NSMCE2: variants seen among roughly 807,000 people sequenced by gnomAD.
NSMCE2 encodes the protein NSE2 SUMO ligase component of SMC5/6 complex, also known as E3 SUMO-protein ligase NSE2.
NSMCE2 carries 24 observed loss-of-function variants against 23.8 expected under a neutral mutation model. The ratio of observed to expected loss-of-function variants is 1.01; its 90% CI spans 0.73 to 1.42. The LOEUF is 1.42. Ranked by LOEUF, NSMCE2 falls within the 40% of genes most tolerant of loss-of-function variation. NSMCE2 has a pLI of 0.00. For synonymous variants in NSMCE2, 92 were observed against 94.1 expected, an observed-to-expected ratio of 0.98 and a Z score of 0.13; for missense variants, 284 against 296.5, an observed-to-expected ratio of 0.96 and a Z score of 0.31.
chr8:125,256,128 CA>C (rs1383954277), intron 5 of NSMCE2, among the ~76,000 whole-genome samples: 1 of 151,788 alleles, frequency 6.6e-6, no homozygotes, highest in Admixed American at 6.6e-5. Flanking sequence ...ACTAAAAATA[CA>C]AAAATTAGCT....
intron 5 of NSMCE2, among the ~76,000 whole-genome samples, chr8:125,210,525 T>C (rs1196246141): frequency 6.6e-6 from 1 of 152,166 alleles, no homozygotes; most frequent in Non-Finnish European, 1.5e-5. Context: ...ATACATACTA[T>C]AGAAGAACTG....
At chr8:125,285,088 A>G (rs1827842693) in intron 5 of NSMCE2, among the ~76,000 whole-genome samples, 1 of 152,364 alleles carries the variant, frequency 6.6e-6, no homozygotes, top group African/African-American at 2.4e-5. Flanking sequence ...AGTACAAAGT[A>G]TCAGTTGAAC....
intron 5 of NSMCE2, among the ~76,000 whole-genome samples, chr8:125,309,875 A>T (rs563289224): frequency 3.9e-5 from 6 of 152,232 alleles, no homozygotes; most frequent in Non-Finnish European, 8.8e-5. Flanking sequence ...GCATGATCTA[A>T]TAAGATTGGA....
At chr8:125,131,286 G>A (rs1386804077) in intron 3 of NSMCE2, among the ~76,000 whole-genome samples, 1 of 152,140 alleles carries the variant, frequency 6.6e-6, no homozygotes, top group Non-Finnish European at 1.5e-5. Flanking sequence ...TATACGCACT[G>A]AAGACATACT....
chr8:125,092,307 G>T (rs948675511), intron 1 of NSMCE2, among the ~76,000 whole-genome samples: 3 of 152,190 alleles, frequency 2.0e-5, no homozygotes, highest in Non-Finnish European at 4.4e-5. Context: ...GCGATAAGGA[G>T]AATAAAGTGC....
intron 4 of NSMCE2, among the ~76,000 whole-genome samples, chr8:125,162,634 T>C (rs1030379631): frequency 6.6e-6 from 1 of 152,124 alleles, no homozygotes; most frequent in Non-Finnish European, 1.5e-5. Context: ...GAGATAACAT[T>C]ATGTGAAAGT....
chr8:125,181,361 A>G (rs1231591458), intron 4 of NSMCE2, among the ~76,000 whole-genome samples: 2 of 152,158 alleles, frequency 1.3e-5, no homozygotes, highest in African/African-American at 2.4e-5. Flanking sequence ...ATGAAGATGT[A>G]ATAAAGAACA....
chr8:125,097,456 A>G (rs1817994005), intron 1 of NSMCE2, among the ~76,000 whole-genome samples: 1 of 152,094 alleles, frequency 6.6e-6, no homozygotes, highest in African/African-American at 2.4e-5. Flanking sequence ...AACTCATCTC[A>G]TCGTTTACTA....
At chr8:125,092,918 T>C (rs1817738779) in intron 1 of NSMCE2, among the ~76,000 whole-genome samples, 2 of 152,218 alleles carry the variant, frequency 1.3e-5, no homozygotes, top group South Asian at 4.1e-4. Flanking sequence ...AGGGCTGTCC[T>C]GTGTTTTGTA....
chr8:125,339,263 G>A (rs1438018449), intron 5 of NSMCE2, among the ~76,000 whole-genome samples: 1 of 151,988 alleles, frequency 6.6e-6, no homozygotes. Flanking sequence ...TGCTTGGGAC[G>A]GTCCTTTTCC....
intron 4 of NSMCE2, among the ~76,000 whole-genome samples, chr8:125,168,089 A>G (rs17401283): frequency 1.3e-5 from 2 of 152,178 alleles, no homozygotes; most frequent in East Asian, 1.9e-4. Flanking sequence ...TGAAATCACT[A>G]ATCGATGGGT....
At chr8:125,293,690 C>T (rs892840802) in intron 5 of NSMCE2, among the ~76,000 whole-genome samples, 6 of 152,204 alleles carry the variant, frequency 3.9e-5, no homozygotes, top group Non-Finnish European at 8.8e-5. Flanking sequence ...GAACCTTTAG[C>T]TGATGGGTTA....
intron 5 of NSMCE2, among the ~76,000 whole-genome samples, chr8:125,194,991 G>C (rs1321809807): frequency 1.3e-5 from 2 of 151,740 alleles, no homozygotes; most frequent in African/African-American, 4.8e-5. Flanking sequence ...ATGGTTCTTA[G>C]AGTGATTCTC....
chr8:125,258,739 G>A (rs1434634061), intron 5 of NSMCE2, among the ~76,000 whole-genome samples: 5 of 152,204 alleles, frequency 3.3e-5, no homozygotes, highest in Non-Finnish European at 7.3e-5. Context: ...GAGAGGTGGG[G>A]GGGTTATGGG....
At chr8:125,290,496 C>T (rs948852647) in intron 5 of NSMCE2, among the ~76,000 whole-genome samples, 1 of 151,982 alleles carries the variant, frequency 6.6e-6, no homozygotes, top group African/African-American at 2.4e-5. Flanking sequence ...GCCTGGCTTG[C>T]TCAGTTTGCC....
chr8:125,225,499 A>G (rs573839183), intron 5 of NSMCE2, among the ~76,000 whole-genome samples: 58 of 152,226 alleles, frequency 3.8e-4, no homozygotes, highest in Non-Finnish European at 7.6e-4. Context: ...TGAAGAAGTG[A>G]AAATCATCAG....
chr8:125,353,675 G>A (rs1005396837), intron 5 of NSMCE2, among the ~76,000 whole-genome samples: 5 of 152,038 alleles, frequency 3.3e-5, no homozygotes, highest in Admixed American at 6.5e-5. Context: ...ACAAGGTCAG[G>A]AGTTCGAGAC....
chr8:125,111,185 G>GT (rs1818729644), intron 3 of NSMCE2, among the ~76,000 whole-genome samples: 2 of 152,130 alleles, frequency 1.3e-5, no homozygotes, highest in African/African-American at 4.8e-5. Flanking sequence ...CTGTGTGGCA[G>GT]TTACTTCAGA....
At chr8:125,115,456 A>G (rs1174228068) in intron 3 of NSMCE2, among the ~76,000 whole-genome samples, 3 of 152,246 alleles carry the variant, frequency 2.0e-5, no homozygotes, top group African/African-American at 7.2e-5. Context: ...AGATGTTTCT[A>G]TTAAATCTTT....
Sources: gnomAD v4.1 joint callset for allele counts (sites outside exome capture counted in the v4.1 genomes callset) on GRCh38, gnomAD v4.1.1 for gene constraint, MANE v1.5 for transcripts, NCBI Gene and HGNC (gene_info 2026-07-23, HGNC 2026-07-21) for gene names.